Variants in EBF2 observed in about 807,000 individuals in gnomAD.
EBF2 encodes the protein EBF transcription factor 2, also known as transcription factor COE2.
EBF2 carries 21 observed loss-of-function variants against 72.8 expected under a neutral mutation model. The observed-to-expected ratio is 0.29, with a 90% CI of 0.20 to 0.42. EBF2 has a LOEUF of 0.42. Ranked by LOEUF, EBF2 falls within the 10% of genes least tolerant of loss-of-function variation. The pLI is 1.00. For missense variants in EBF2, 637 were observed against 731.2 expected (o/e 0.87, Z 1.49); for synonymous variants, 299 against 274.2 (o/e 1.09, Z -0.89).
In EBF2 at chr8:25,973,182, C is replaced by T. The variant is rs186579559; in HGVS notation, c.551+59903G>A. Reference sequence around the variant, plus strand: ...GAGAGAACCAGGCTGTCCTTAGGTGCCAACTGGTCTCTCAGGTAAATATGA... The same window carrying T: ...GAGAGAACCAGGCTGTCCTTAGGTGTCAACTGGTCTCTCAGGTAAATATGA... On this transcript the variant is annotated intron_variant, in intron 6 of 15. Transcript: ENST00000520164. 7.2e-5 allele frequency among the ~76,000 whole-genome samples: 11 copies of T among 152,058 alleles called. No individual in the cohort carries two copies. The South Asian group carries it at 8.3e-4, about 12-fold the overall frequency.
intron 14 of EBF2, among the ~76,000 whole-genome samples, chr8:25,852,798 T>A (rs545109881): frequency 6.6e-6 from 1 of 152,234 alleles, no homozygotes. Context: ...CTGAAAGGAA[T>A]TTTAATTTGT....
chr8:25,854,980 G>C (rs1404802689), intron 14 of EBF2, among the ~76,000 whole-genome samples: 1 of 152,118 alleles, frequency 6.6e-6, no homozygotes, highest in Non-Finnish European at 1.5e-5. Flanking sequence ...GGTCCCTATG[G>C]GTGTTACAGG....
intron 6 of EBF2, among the ~76,000 whole-genome samples, chr8:25,959,204 G>A (rs1018603112): frequency 1.3e-5 from 2 of 152,160 alleles, no homozygotes; most frequent in Non-Finnish European, 2.9e-5. Context: ...GAGAGACAAT[G>A]CTTGCTTAAA....
At chr8:26,043,285 T>A (rs936302236) in intron 1 of EBF2, among the ~76,000 whole-genome samples, 2 of 152,238 alleles carry the variant, frequency 1.3e-5, no homozygotes, top group Admixed American at 6.5e-5. Flanking sequence ...GTCTCCCAGG[T>A]TGAACCCCGG....
At chr8:26,004,479 A>T (rs186974172) in intron 6 of EBF2, among the ~76,000 whole-genome samples, 1 of 152,118 alleles carries the variant, frequency 6.6e-6, no homozygotes, top group Non-Finnish European at 1.5e-5. Context: ...GTTCGAGACC[A>T]GCCTGGCCAA....
At chr8:25,998,667 G>A (rs531858966) in intron 6 of EBF2, among the ~76,000 whole-genome samples, 2 of 152,272 alleles carry the variant, frequency 1.3e-5, no homozygotes, top group East Asian at 1.9e-4. Context: ...AAGTGTCTGA[G>A]TATTACCAGG....
chr8:25,992,683 G>T (rs971650763), intron 6 of EBF2, among the ~76,000 whole-genome samples: 1 of 151,982 alleles, frequency 6.6e-6, no homozygotes, highest in African/African-American at 2.4e-5. Flanking sequence ...CAGGCAAATT[G>T]CTTGAGCTCA....
intron 6 of EBF2, among the ~76,000 whole-genome samples, chr8:25,971,943 C>A (rs1804197504): frequency 6.6e-6 from 1 of 152,036 alleles, no homozygotes; most frequent in Non-Finnish European, 1.5e-5. Context: ...CGGCCAGGGC[C>A]AGATGGCCAG....
At chr8:25,950,221 A>T (rs1434769998) in intron 6 of EBF2, among the ~76,000 whole-genome samples, 1 of 152,164 alleles carries the variant, frequency 6.6e-6, no homozygotes, top group African/African-American at 2.4e-5. Context: ...TTTTGCAAAG[A>T]CCTCTCTTCT....
At chr8:25,876,098 A>G (rs768164879) in intron 10 of EBF2, among the ~76,000 whole-genome samples, 5 of 152,226 alleles carry the variant, frequency 3.3e-5, no homozygotes, top group Non-Finnish European at 7.3e-5. Flanking sequence ...GAATGAGAGC[A>G]TGTCATATTT....
intron 10 of EBF2, among the ~76,000 whole-genome samples, chr8:25,879,580 C>T (rs1025684055): frequency 2.0e-5 from 3 of 152,172 alleles, no homozygotes; most frequent in African/African-American, 7.2e-5. Context: ...AGAAGCTCTA[C>T]ATGCAGAAAG....
At chr8:25,961,387 G>A (rs777579477) in intron 6 of EBF2, among the ~76,000 whole-genome samples, 4 of 151,922 alleles carry the variant, frequency 2.6e-5, no homozygotes, top group Non-Finnish European at 4.4e-5. Flanking sequence ...GTTTTGAGAC[G>A]GAGTCTCACT....
At chr8:25,891,332 G>C (rs1802776047) in intron 7 of EBF2, among the ~76,000 whole-genome samples, 1 of 151,940 alleles carries the variant, frequency 6.6e-6, no homozygotes, top group Admixed American at 6.6e-5. Flanking sequence ...CCCTAGACAT[G>C]GGTCTATTTC....
At chr8:25,913,374 G>A (rs551332965) in intron 6 of EBF2, among the ~76,000 whole-genome samples, 1 of 152,224 alleles carries the variant, frequency 6.6e-6, no homozygotes, top group East Asian at 1.9e-4. Context: ...CTGGGAGGTG[G>A]AGGTTGCAGT....
chr8:25,943,790 T>A (rs77435916), intron 6 of EBF2, among the ~76,000 whole-genome samples: 3,496 of 152,276 alleles, frequency 0.023, 127 homozygotes, highest in African/African-American at 0.081. Flanking sequence ...ATCAAAACAC[T>A]ATCAAAGGGG....
At chr8:25,875,890 A>G (rs1482574841) in intron 10 of EBF2, among the ~76,000 whole-genome samples, 1 of 152,230 alleles carries the variant, frequency 6.6e-6, no homozygotes, top group Non-Finnish European at 1.5e-5. Context: ...CTGCCATTTG[A>G]CTTAGGAATT....
Position 26,044,674 on chromosome 8 carries a change from G to A in EBF2, c.131+55C>T. 1.3e-6 allele frequency: 2 copies of A among 1,590,460 alleles called. No individual in the cohort carries two copies. The highest frequency in any genetic ancestry group is 1.7e-5 in the Admixed American group (1 of 59,164). On this transcript the variant is annotated intron_variant, in intron 1 of 15. Transcript: ENST00000520164. The surrounding 1 kb of genome is among the most constrained non-coding windows in gnomAD (Gnocchi z 4.1). The stretch of plus-strand genomic sequence containing the variant: ...GGTGCGCGGGGGGGGTGCACACGGA[G>A]AGACAGACCGTAAGAGCGAGAGACA...
At chr8:25,906,286 T>C (rs1283803102) in intron 7 of EBF2, among the ~76,000 whole-genome samples, 1 of 152,234 alleles carries the variant, frequency 6.6e-6, no homozygotes, top group Admixed American at 6.5e-5. Context: ...TCTGCCTCTG[T>C]ATCTTCTAGA....
intron 10 of EBF2, 41 bp from the exon 11 acceptor site, chr8:25,862,838 T>A: frequency 6.8e-7 from 1 of 1,477,726 alleles, no homozygotes; most frequent in Non-Finnish European, 9.2e-7. Context: ...GTATCCTGGC[T>A]ATAAAGCAAA....
Sources: gnomAD v4.1 joint callset for allele counts (sites outside exome capture counted in the v4.1 genomes callset) on GRCh38, gnomAD v4.1.1 for gene constraint, Gnocchi (gnomAD v3.1) non-coding constraint, MANE v1.5 for transcripts, NCBI Gene and HGNC (gene_info 2026-07-23, HGNC 2026-07-21) for gene names.